CTNNA3: variants seen among roughly 807,000 people sequenced by gnomAD.
CTNNA3 encodes the protein catenin alpha 3, also known as catenin alpha-3.
Under a neutral mutation model 95.7 loss-of-function variants are expected in CTNNA3, and 76 were observed. That is an observed-to-expected ratio of 0.79 (90% CI 0.66 to 0.96). The LOEUF is 0.96. Among genes scored for constraint, CTNNA3 ranks in the 40% least tolerant of loss-of-function variants. CTNNA3 has a pLI of 0.00. For synonymous variants in CTNNA3, 431 were observed against 374.4 expected (o/e 1.15, Z -1.74); for missense variants, 1,191 against 1,089.8 (o/e 1.09, Z -1.31).
intron 7 of CTNNA3, among the ~76,000 whole-genome samples, chr10:66,977,800 C>T (rs1011919000): frequency 1.3e-5 from 2 of 152,182 alleles, no homozygotes; most frequent in Non-Finnish European, 2.9e-5. Flanking sequence ...TAATTCTGTA[C>T]TTCCAATTGT....
At chr10:66,075,316 T>G (rs1268506423) in intron 14 of CTNNA3, among the ~76,000 whole-genome samples, 1 of 151,812 alleles carries the variant, frequency 6.6e-6, no homozygotes, top group African/African-American at 2.4e-5. Flanking sequence ...GAAATTGTTG[T>G]CATACAGACC....
intron 9 of CTNNA3, among the ~76,000 whole-genome samples, chr10:66,708,141 T>C (rs1163767678): frequency 6.6e-6 from 1 of 151,630 alleles, no homozygotes; most frequent in Non-Finnish European, 1.5e-5. Context: ...ACATCAACTC[T>C]GGCAAGAGCC....
At chr10:66,168,979 C>T (rs74832396) in intron 13 of CTNNA3, among the ~76,000 whole-genome samples, 4,614 of 152,130 alleles carry the variant, frequency 0.03, 246 homozygotes, top group African/African-American at 0.11. Flanking sequence ...ATTACTTTTC[C>T]CTCACCTCCT....
At chr10:65,961,447 T>C (rs2077840835) in intron 17 of CTNNA3, among the ~76,000 whole-genome samples, 1 of 152,192 alleles carries the variant, frequency 6.6e-6, no homozygotes, top group Non-Finnish European at 1.5e-5. Context: ...TTGCATCCTT[T>C]ATAGTCGTTG....
At chr10:67,001,177 T>C (rs991520535) in intron 7 of CTNNA3, among the ~76,000 whole-genome samples, 13 of 151,080 alleles carry the variant, frequency 8.6e-5, no homozygotes, top group African/African-American at 3.2e-4. Flanking sequence ...GGTGTGTGCC[T>C]GTAATCCCAG....
At chr10:66,782,703 T>C (rs1471045937) in intron 7 of CTNNA3, among the ~76,000 whole-genome samples, 22 of 152,182 alleles carry the variant, frequency 1.4e-4, no homozygotes, top group Admixed American at 1.4e-3. Flanking sequence ...GAAGAATTGT[T>C]AACCATACTT....
At chr10:67,205,586 T>C (rs1031395840) in intron 6 of CTNNA3, among the ~76,000 whole-genome samples, 2 of 152,144 alleles carry the variant, frequency 1.3e-5, no homozygotes, top group Non-Finnish European at 2.9e-5. Flanking sequence ...TCTTGCTAGG[T>C]TACAGGAGGC....
chr10:67,524,663 G>GT (rs963956260), intron 4 of CTNNA3, among the ~76,000 whole-genome samples: 26 of 151,810 alleles, frequency 1.7e-4, no homozygotes, highest in South Asian at 8.3e-4. Context: ...CATTTAAGCA[G>GT]TTTTTTTTGC....
intron 5 of CTNNA3, among the ~76,000 whole-genome samples, chr10:67,362,714 C>T (rs935094568): frequency 2.0e-5 from 3 of 151,826 alleles, no homozygotes; most frequent in Non-Finnish European, 2.9e-5. Context: ...GATGCCCACT[C>T]TCACTACTCA....
intron 7 of CTNNA3, among the ~76,000 whole-genome samples, chr10:66,836,721 C>T (rs1842899622): frequency 6.6e-6 from 1 of 152,016 alleles, no homozygotes; most frequent in South Asian, 2.1e-4. Context: ...TAGAGTGAAA[C>T]ACTCAGAAAT....
intron 13 of CTNNA3, among the ~76,000 whole-genome samples, chr10:66,149,070 G>T (rs923771729): frequency 6.7e-6 from 1 of 150,192 alleles, no homozygotes. Context: ...ATAGTTTATA[G>T]TTCAATTATA....
intron 13 of CTNNA3, among the ~76,000 whole-genome samples, chr10:66,126,291 T>C (rs1246533235): frequency 6.6e-6 from 1 of 152,214 alleles, no homozygotes; most frequent in Non-Finnish European, 1.5e-5. Context: ...AAACAAATGA[T>C]GGTGATGGGA....
chr10:67,762,806 A>G (rs1485485975), intron 1 of CTNNA3, among the ~76,000 whole-genome samples: 2 of 152,194 alleles, frequency 1.3e-5, no homozygotes, highest in African/African-American at 4.8e-5. Flanking sequence ...TATGTTATCT[A>G]CAGATTAGGG....
At chr10:67,677,874 G>T (rs1840562312) in intron 1 of CTNNA3, among the ~76,000 whole-genome samples, 1 of 152,150 alleles carries the variant, frequency 6.6e-6, no homozygotes, top group African/African-American at 2.4e-5. Flanking sequence ...AATTGCTTCA[G>T]ATTATCTAGG....
chr10:66,713,120 C>T (rs1012012423), intron 9 of CTNNA3, among the ~76,000 whole-genome samples: 1 of 152,138 alleles, frequency 6.6e-6, no homozygotes, highest in Admixed American at 6.6e-5. Flanking sequence ...GCTCGAGAAC[C>T]ACAAAGCTAG....
intron 7 of CTNNA3, among the ~76,000 whole-genome samples, chr10:67,109,709 G>A (rs780007758): frequency 1.2e-4 from 18 of 152,166 alleles, no homozygotes; most frequent in Non-Finnish European, 1.9e-4. Flanking sequence ...TGGGCGCAGT[G>A]GCCTGCGCCT....
rs932844228 is a variant in CTNNA3, at chr10:66,570,853, C to G, written c.1375-50080G>C. Among the ~76,000 whole-genome samples the G allele has an allele frequency of 3.9e-5, 6 of 151,950 alleles. No individual in the cohort carries two copies. The South Asian group carries it at 6.2e-4, about 16-fold the overall frequency. ...CAATATTTACTAGCTGAACAAAATGCCTTGAGTGAAATATCTGTGAGCATA... is the reference window on the plus strand; with the variant it reads ...CAATATTTACTAGCTGAACAAAATGGCTTGAGTGAAATATCTGTGAGCATA... On this transcript the variant is annotated intron_variant, in intron 10 of 17. Transcript: ENST00000433211.
At chr10:66,832,842 G>A (rs1842766325) in intron 7 of CTNNA3, among the ~76,000 whole-genome samples, 1 of 152,072 alleles carries the variant, frequency 6.6e-6, no homozygotes. Context: ...CCCTAACTCA[G>A]TAGCTAGATT....
At chr10:66,382,205 A>G (rs56011060) in intron 11 of CTNNA3, among the ~76,000 whole-genome samples, 2,794 of 152,242 alleles carry the variant, frequency 0.018, 84 homozygotes, top group African/African-American at 0.064. Context: ...GACTACCTGG[A>G]AAAACAGGGC....
Sources: gnomAD v4.1 joint callset for allele counts (sites outside exome capture counted in the v4.1 genomes callset) on GRCh38, gnomAD v4.1.1 for gene constraint, MANE v1.5 for transcripts, NCBI Gene and HGNC (gene_info 2026-07-23, HGNC 2026-07-21) for gene names.